COG5: variants seen among roughly 807,000 people sequenced by gnomAD.
COG5 encodes the protein component of oligomeric golgi complex 5.
In COG5, 86 loss-of-function variants were observed where a neutral mutation model predicts 110.4. The observed-to-expected ratio is 0.78, with a 90% CI of 0.65 to 0.93. COG5 has a LOEUF of 0.93. Ranked by LOEUF, COG5 falls within the 40% of genes least tolerant of loss-of-function variation. COG5 has a pLI of 0.00. For synonymous variants in COG5, 360 were observed against 334.6 expected (o/e 1.08, Z -0.83); for missense variants, 1,077 against 987.0 (o/e 1.09, Z -1.22).
At chr7:107,292,481 T>C (rs959407501) in intron 12 of COG5, among the ~76,000 whole-genome samples, 1 of 152,184 alleles carries the variant, frequency 6.6e-6, no homozygotes, top group Non-Finnish European at 1.5e-5. Context: ...TAGAACTGAC[T>C]GAGTGGTTAA....
intron 6 of COG5, chr7:107,472,447 A>C (rs539736564): frequency 2.8e-4 from 42 of 152,132 alleles, no homozygotes; most frequent in African/African-American, 1.0e-3. Context: ...AACATTTACG[A>C]AAGAACAGAA....
intron 6 of COG5, among the ~76,000 whole-genome samples, chr7:107,427,709 C>T (rs965470045): frequency 2.0e-5 from 3 of 152,036 alleles, no homozygotes; most frequent in East Asian, 1.9e-4. Context: ...GTGCCTTGCT[C>T]GTGCACCAGC....
chr7:107,539,908 G>T (rs1801854532), intron 5 of COG5, among the ~76,000 whole-genome samples: 1 of 152,102 alleles, frequency 6.6e-6, no homozygotes, highest in Admixed American at 6.5e-5. Context: ...ATCTTTGAGA[G>T]AAACAAGAAA....
intron 5 of COG5, among the ~76,000 whole-genome samples, chr7:107,546,293 C>T (rs1802439101): frequency 6.6e-6 from 1 of 151,872 alleles, no homozygotes. Flanking sequence ...TAGTATTAAA[C>T]CTCAAGAACT....
intron 10 of COG5, among the ~76,000 whole-genome samples, chr7:107,328,953 T>C (rs1038388118): frequency 6.6e-5 from 10 of 152,158 alleles, no homozygotes; most frequent in African/African-American, 2.4e-4. Context: ...CCTGAGTACC[T>C]GGGACTACAG....
At chr7:107,560,774 C>G (rs1039832514) in intron 1 of COG5, among the ~76,000 whole-genome samples, 1 of 151,930 alleles carries the variant, frequency 6.6e-6, no homozygotes, top group African/African-American at 2.4e-5. Flanking sequence ...TGTTTACTAT[C>G]AAAATAGAAA....
chr7:107,309,857 C>A (rs1808065510), intron 11 of COG5, among the ~76,000 whole-genome samples: 1 of 152,122 alleles, frequency 6.6e-6, no homozygotes, highest in Admixed American at 6.5e-5. Flanking sequence ...AAAAGTCTAG[C>A]TTTTATCCCT....
At chr7:107,554,829 GC>G (rs1272177004) in intron 2 of COG5, among the ~76,000 whole-genome samples, 1 of 152,052 alleles carries the variant, frequency 6.6e-6, no homozygotes, top group Non-Finnish European at 1.5e-5. Context: ...CCTAGTAAGA[GC>G]CCCGAGCTCT....
At chr7:107,322,378 T>C (rs1584676033) in intron 11 of COG5, among the ~76,000 whole-genome samples, 1 of 152,172 alleles carries the variant, frequency 6.6e-6, no homozygotes. Context: ...TTCCAGTACC[T>C]TGATGTTGGA....
At chr7:107,492,571 G>A (rs921027580) in intron 6 of COG5, among the ~76,000 whole-genome samples, 1 of 152,090 alleles carries the variant, frequency 6.6e-6, no homozygotes, top group Non-Finnish European at 1.5e-5. Flanking sequence ...TCACTTCCTT[G>A]CAGGCTATCA....
intron 7 of COG5, among the ~76,000 whole-genome samples, chr7:107,392,465 T>A (rs1471568023): frequency 6.6e-6 from 1 of 152,186 alleles, no homozygotes; most frequent in Non-Finnish European, 1.5e-5. Flanking sequence ...TCAAGTCTGA[T>A]TTTAAAGTTG....
chr7:107,387,738 G>A (rs545422587), intron 7 of COG5, among the ~76,000 whole-genome samples: 77 of 152,300 alleles, frequency 5.1e-4, no homozygotes, highest in Non-Finnish European at 8.8e-4. Context: ...CTCGATCTGG[G>A]TTTACTAGCA....
intron 17 of COG5, among the ~76,000 whole-genome samples, chr7:107,236,969 A>G (rs1351513957): frequency 1.3e-5 from 2 of 152,240 alleles, no homozygotes; most frequent in East Asian, 3.8e-4. Context: ...TCTGTCTTGG[A>G]TGAATCATAC....
At chr7:107,228,892 T>C (rs769998937) in intron 19 of COG5, among the ~76,000 whole-genome samples, 16 of 152,112 alleles carry the variant, frequency 1.1e-4, no homozygotes, top group Non-Finnish European at 2.1e-4. Context: ...AAGTTTCTAC[T>C]ACCAAAGCTT....
At chr7:107,279,926 C>T (rs189821602) in intron 14 of COG5, among the ~76,000 whole-genome samples, 1 of 152,016 alleles carries the variant, frequency 6.6e-6, no homozygotes, top group East Asian at 1.9e-4. Context: ...AAGCCTTTTG[C>T]CATTACTATG....
chr7:107,554,390 T>A, intron 2 of COG5, 48 bp from the exon 3 acceptor site: 2 of 1,486,526 alleles, frequency 1.3e-6, no homozygotes, highest in Non-Finnish European at 1.9e-6. Context: ...TAGGTATTCT[T>A]CCTTGTAACC....
intron 17 of COG5, among the ~76,000 whole-genome samples, chr7:107,245,282 C>T (rs113198819): frequency 0.044 from 6,660 of 152,264 alleles, 202 homozygotes; most frequent in Middle Eastern, 0.095. Flanking sequence ...AAGCTGGAAG[C>T]AATCCCCTTG....
chr7:107,201,713 G>T lies in COG5; in HGVS notation c.*1803C>A, dbSNP rs571520604. 3.4e-4 allele frequency: 118 copies of T among 349,564 alleles called. 1 individual carries two copies. The highest frequency in any genetic ancestry group is 2.4e-3 in the African/African-American group (112 of 47,624). The allele number at this position is 349,564 out of a possible 1,614,324, so 21.7% of individuals were successfully genotyped here. On this transcript the variant is annotated 3_prime_UTR_variant, in exon 22 of 22. Transcript: ENST00000297135. The stretch of plus-strand genomic sequence containing the variant: ...TAATAGGCTTGAAAATTGATATCCT[G>T]TGGTGCTAAAGTACAGTAGAAAGAG...
intron 12 of COG5, among the ~76,000 whole-genome samples, chr7:107,293,845 A>G (rs991274935): frequency 6.6e-6 from 1 of 151,920 alleles, no homozygotes; most frequent in Non-Finnish European, 1.5e-5. Flanking sequence ...GCTGAGGTGG[A>G]TGGATCACCT....
Sources: allele counts gnomAD v4.1 joint callset (sites outside exome capture counted in the v4.1 genomes callset), GRCh38; gene constraint gnomAD v4.1.1; transcripts MANE v1.5; gene names NCBI Gene and HGNC (gene_info 2026-07-23, HGNC 2026-07-21).